Variants in NBAS observed in about 807,000 individuals in gnomAD.
The protein encoded by NBAS is NAG/BC035112 fusion.
Under a neutral mutation model 302.5 loss-of-function variants are expected in NBAS, and 219 were observed. The ratio of observed to expected loss-of-function variants is 0.72; its 90% CI spans 0.65 to 0.81. The LOEUF is 0.81. Among genes scored for constraint, NBAS ranks in the 30% least tolerant of loss-of-function variants. The pLI, the probability that NBAS is intolerant of heterozygous loss-of-function variation, is 0.00. For synonymous variants in NBAS, 1,118 were observed against 1,021.6 expected (o/e 1.09, Z -1.80); for missense variants, 2,932 against 2,841.6 (o/e 1.03, Z -0.72).
intron 21 of NBAS, among the ~76,000 whole-genome samples, chr2:15,446,903 A>G (rs1046029887): frequency 6.6e-5 from 10 of 151,996 alleles, no homozygotes; most frequent in African/African-American, 2.4e-4. Context: ...AAAAATCACA[A>G]GAAAGTATAA....
At chr2:15,084,611 C>G in the NBAS span, among the ~76,000 whole-genome samples, 3 of 151,764 alleles carry the variant, frequency 2.0e-5, no homozygotes, top group Non-Finnish European at 4.4e-5. Context: ...TCTGCTTAAA[C>G]CAGTGAGCCT....
Position 15,374,680 on chromosome 2 carries a change from G to A in NBAS, c.3631C>T (p.Gln1211Ter). Residue 1211 changes from glutamine (Q) to a stop codon, truncating the protein, a stop_gained, in exon 31 of 52, where the codon CAA becomes TAA. Coordinates refer to ENST00000281513, the MANE Select transcript of NBAS (RefSeq NM_015909.4). LOFTEE classifies it high-confidence loss of function. ...GCTTGGATAAGATCTAGCTCCTCTTGAATGGCAGGGGGTCTGTCTGTTATC... is the reference window on the plus strand; with the variant it reads ...GCTTGGATAAGATCTAGCTCCTCTTAAATGGCAGGGGGTCTGTCTGTTATC... ...QLITDRPPAI[Q>*]EELDLIQAVG... is the part of the protein sequence containing the mutation. 6.2e-7 allele frequency: 1 copy of A among 1,613,914 alleles called. No individual in the cohort carries two copies. The highest frequency in any genetic ancestry group is 8.5e-7 in the Non-Finnish European group (1 of 1,179,864).
At chr2:15,350,610 GAA>G (rs1323351775) in intron 35 of NBAS, among the ~76,000 whole-genome samples, 1 of 152,144 alleles carries the variant, frequency 6.6e-6, no homozygotes, top group Non-Finnish European at 1.5e-5. Context: ...GGAAGATTCT[GAA>G]ACACATATAG....
the NBAS span, among the ~76,000 whole-genome samples, chr2:15,015,573 G>C: frequency 6.6e-6 from 1 of 152,080 alleles, no homozygotes; most frequent in Non-Finnish European, 1.5e-5. Flanking sequence ...AAAAGCATTT[G>C]ATAAAATTCA....
At chr2:15,379,505 C>T in intron 30 of NBAS, 97 bp downstream of exon 30, 1 of 1,236,620 alleles carries the variant, frequency 8.1e-7, no homozygotes, top group South Asian at 1.3e-5. Flanking sequence ...CAATCTGTAC[C>T]TGTGATAATA....
chr2:14,880,599 T>A, the NBAS span, among the ~76,000 whole-genome samples: 1 of 151,380 alleles, frequency 6.6e-6, no homozygotes. Flanking sequence ...GTGCTGAAAC[T>A]ATAAAAAGAA....
the NBAS span, among the ~76,000 whole-genome samples, chr2:14,840,832 A>G: frequency 3.3e-5 from 5 of 152,076 alleles, no homozygotes; most frequent in Admixed American, 3.3e-4. Context: ...AAAATATATG[A>G]AGGTATAAAA....
chr2:14,801,070 C>T, the NBAS span, among the ~76,000 whole-genome samples: 1 of 152,052 alleles, frequency 6.6e-6, no homozygotes, highest in Non-Finnish European at 1.5e-5. Flanking sequence ...TTTCAGCATG[C>T]ATTGCATCTG....
chr2:15,536,975 C>A (rs1037483516), intron 7 of NBAS, among the ~76,000 whole-genome samples: 1 of 152,234 alleles, frequency 6.6e-6, no homozygotes, highest in Non-Finnish European at 1.5e-5. Flanking sequence ...TTTGCCTAAT[C>A]AGCAACCTAA....
At position 15,388,030 on chromosome 2, in the gene NBAS, G is replaced by A. The variant is rs138966090; in HGVS notation, c.3258-4713C>T. Among the ~76,000 whole-genome samples, 447 of 152,194 alleles carry A rather than the reference G, an allele frequency of 2.9e-3. 2 individuals are homozygous for A. The highest frequency in any genetic ancestry group is 0.01 in the African/African-American group (417 of 41,524). ...TTTTTATCAAAGATTCTATACTTGTGCAACTCTCAAATGAATATATACATT... is the reference window on the plus strand; with the variant it reads ...TTTTTATCAAAGATTCTATACTTGTACAACTCTCAAATGAATATATACATT... On this transcript the variant is annotated intron_variant, in intron 28 of 51. Transcript: ENST00000281513.
chr2:15,350,142 T>A (rs1352846718), intron 35 of NBAS, among the ~76,000 whole-genome samples: 1 of 152,122 alleles, frequency 6.6e-6, no homozygotes, highest in African/African-American at 2.4e-5. Context: ...TAGTTGCATA[T>A]ATTCTACTCT....
At chr2:15,246,184 A>C (rs996546435) in intron 44 of NBAS, among the ~76,000 whole-genome samples, 10 of 152,224 alleles carry the variant, frequency 6.6e-5, no homozygotes, top group Admixed American at 5.9e-4. Flanking sequence ...GAAAAACTAA[A>C]AACTATAGTT....
Position 15,467,755 on chromosome 2 carries a change from G to A in NBAS, c.1927C>T (p.Leu643Phe), listed in dbSNP as rs370678291. ...GCAGGCTCTTCATCAGGTGGTGAAA[G>A]CTCTTCATAGGAGATACTGTCAATG... ...IDIDSISYEELSPPDEEPAKN... is the reference protein window; with the variant it reads ...IDIDSISYEEFSPPDEEPAKN... The change falls in exon 18 of 52, where the codon CTT becomes TTT. Residue 643 changes from leucine (L) to phenylalanine (F), a missense_variant. Transcript: ENST00000281513. 26 of 1,600,152 alleles carry A rather than the reference G, an allele frequency of 1.6e-5. No individual in the cohort carries two copies. The highest frequency in any genetic ancestry group is 2.2e-5 in the Non-Finnish European group (26 of 1,167,724).
intron 12 of NBAS, among the ~76,000 whole-genome samples, 178 bp downstream of exon 12, chr2:15,488,716 A>C (rs1680736875): frequency 6.6e-6 from 1 of 152,186 alleles, no homozygotes; most frequent in Admixed American, 6.5e-5. Flanking sequence ...ATTAGTCCAC[A>C]GTATTAATCT....
intron 45 of NBAS, among the ~76,000 whole-genome samples, chr2:15,237,236 T>G (rs1388904064): frequency 6.6e-6 from 1 of 152,152 alleles, no homozygotes; most frequent in Non-Finnish European, 1.5e-5. Flanking sequence ...CCCACAATTG[T>G]TAAAATATAG....
chr2:15,473,123 A>G (rs1680027109), intron 16 of NBAS, 99 bp downstream of exon 16: 1 of 1,354,396 alleles, frequency 7.4e-7, no homozygotes, highest in African/African-American at 1.5e-5. Context: ...TGTATTATAG[A>G]AAAGTCAGCA....
chr2:15,102,343 A>C, the NBAS span, among the ~76,000 whole-genome samples: 4 of 152,296 alleles, frequency 2.6e-5, no homozygotes, highest in Non-Finnish European at 5.9e-5. Context: ...GTCAGGACAC[A>C]CCCAGGAACT....
chr2:15,109,693 A>C, the NBAS span, among the ~76,000 whole-genome samples: 1 of 152,080 alleles, frequency 6.6e-6, no homozygotes, highest in Non-Finnish European at 1.5e-5. Context: ...AAAGAAGACA[A>C]GAGAGAGCTC....
chr2:15,523,554 G>A (rs1450346336), intron 9 of NBAS, among the ~76,000 whole-genome samples: 1 of 152,102 alleles, frequency 6.6e-6, no homozygotes, highest in East Asian at 1.9e-4. Context: ...GTGGATTTTG[G>A]TATGAACGAG....
Sources: gnomAD v4.1 joint callset for allele counts (sites outside exome capture counted in the v4.1 genomes callset) on GRCh38, gnomAD v4.1.1 for gene constraint, MANE v1.5 for transcripts, NCBI Gene and HGNC (gene_info 2026-07-23, HGNC 2026-07-21) for gene names.